The following RAB3C variants were observed in gnomAD, a reference collection of about 807,000 sequenced individuals.
RAB3C encodes RAB3C, member RAS oncogene family.
RAB3C carries 17 observed loss-of-function variants against 26.4 expected under a neutral mutation model. The observed-to-expected ratio is 0.64, with a 90% confidence interval of 0.44 to 0.97. RAB3C has a LOEUF of 0.97. RAB3C is among the 50% of genes least tolerant of loss of function. The pLI, the probability that RAB3C is intolerant of heterozygous loss-of-function variation, is 0.00. For synonymous variants in RAB3C, 91 were observed against 95.9 expected (o/e 0.95, Z 0.30); for missense variants, 242 against 281.9 (o/e 0.86, Z 1.01).
At chr5:58,669,671 T>G (rs1368156424) in intron 2 of RAB3C, among the ~76,000 whole-genome samples, 2 of 152,196 alleles carry the variant, frequency 1.3e-5, no homozygotes, top group Non-Finnish European at 2.9e-5. Flanking sequence ...ATTGTCTCTG[T>G]GCTTTGGATT....
intron 3 of RAB3C, among the ~76,000 whole-genome samples, chr5:58,810,785 C>CG (rs1380673984): frequency 2.6e-5 from 4 of 152,110 alleles, no homozygotes; most frequent in African/African-American, 9.7e-5. Context: ...TTAGTAGAGA[C>CG]GGGGTTTCGC....
rs1168785442 is a variant in RAB3C, at chr5:58,610,194, C to CTGTGTGTGTGTGTGTGTGTGTG, written c.25-7441_25-7420dup. Among the ~76,000 whole-genome samples the CTGTGTGTGTGTGTGTGTGTGTG allele has an allele frequency of 5.9e-3, 846 of 143,442 alleles. 5 individuals are homozygous for CTGTGTGTGTGTGTGTGTGTGTG. The highest frequency in any genetic ancestry group is 0.029 in the East Asian group (136 of 4,694). 94.1% of individuals were successfully genotyped at this position (143,442 alleles called of 152,430 possible). ...TCAGAAAAAAATGATTTTTGTTTTT[C>CTGTGTGTGTGTGTGTGTGTGTG]TGTGTGTGTGTGTGTGTGTGTGTGT... On this transcript the variant is annotated intron_variant, in intron 1 of 4. Transcript: ENST00000282878.
chr5:58,803,776 C>A (rs901534768), intron 3 of RAB3C, among the ~76,000 whole-genome samples: 24 of 152,114 alleles, frequency 1.6e-4, no homozygotes, highest in Non-Finnish European at 3.4e-4. Flanking sequence ...ATATGAAATT[C>A]TTGGCCGGGC....
chr5:58,596,496 T>C (rs1746256803), intron 1 of RAB3C, among the ~76,000 whole-genome samples: 1 of 138,250 alleles, frequency 7.2e-6, no homozygotes, highest in South Asian at 2.1e-4. Context: ...TAAATATATA[T>C]ATAAATATAT....
chr5:58,772,400 A>G (rs1742047889), intron 3 of RAB3C, among the ~76,000 whole-genome samples: 1 of 152,178 alleles, frequency 6.6e-6, no homozygotes, highest in Non-Finnish European at 1.5e-5. Context: ...TCTCTCCATT[A>G]GAATAGAAGG....
intron 3 of RAB3C, among the ~76,000 whole-genome samples, chr5:58,778,728 T>C (rs1742204421): frequency 6.6e-6 from 1 of 152,178 alleles, no homozygotes; most frequent in African/African-American, 2.4e-5. Flanking sequence ...AAATTATTTA[T>C]GCCATGGCCT....
intron 3 of RAB3C, among the ~76,000 whole-genome samples, chr5:58,742,475 A>C (rs1397466666): frequency 1.3e-5 from 2 of 152,190 alleles, no homozygotes; most frequent in East Asian, 3.8e-4. Context: ...TTTGATCCTA[A>C]TCATGACGTT....
intron 3 of RAB3C, among the ~76,000 whole-genome samples, chr5:58,782,422 G>A (rs1400724407): frequency 6.6e-6 from 1 of 152,026 alleles, no homozygotes; most frequent in Non-Finnish European, 1.5e-5. Flanking sequence ...CTCACCGCAT[G>A]CTTTAACACC....
intron 2 of RAB3C, among the ~76,000 whole-genome samples, chr5:58,693,353 T>TATATATAC (rs1554048086): frequency 7.0e-6 from 1 of 142,292 alleles, no homozygotes; most frequent in African/African-American, 2.7e-5. Context: ...TATATATATA[T>TATATATAC]ATATATATAA....
chr5:58,618,059 T>C (rs1374353105), intron 2 of RAB3C, among the ~76,000 whole-genome samples, 189 bp downstream of exon 2: 1 of 62,392 alleles, frequency 1.6e-5, no homozygotes, highest in Non-Finnish European at 3.7e-5. Context: ...GAGGGGTGAA[T>C]TATTATTATG....
At chr5:58,702,475 A>G (rs1267237265) in intron 2 of RAB3C, among the ~76,000 whole-genome samples, 1 of 152,134 alleles carries the variant, frequency 6.6e-6, no homozygotes, top group East Asian at 1.9e-4. Context: ...GAAAGACTCC[A>G]TTGATTTCCT....
chr5:58,797,396 T>TATATATATACAC (rs1561133620), intron 3 of RAB3C, among the ~76,000 whole-genome samples: 6 of 116,814 alleles, frequency 5.1e-5, no homozygotes, highest in African/African-American at 2.1e-4. Context: ...TATATATATA[T>TATATATATACAC]ACACAGAGAG....
intron 3 of RAB3C, among the ~76,000 whole-genome samples, chr5:58,748,605 T>C (rs1478300185): frequency 6.6e-6 from 1 of 152,146 alleles, no homozygotes; most frequent in African/African-American, 2.4e-5. Flanking sequence ...TGTGTGTGTG[T>C]GTGTGCATGC....
At chr5:58,781,483 G>C (rs1742269226) in intron 3 of RAB3C, among the ~76,000 whole-genome samples, 1 of 151,384 alleles carries the variant, frequency 6.6e-6, no homozygotes, top group African/African-American at 2.4e-5. Context: ...AACTACAGTA[G>C]CACCATTCTA....
At chr5:58,778,733 T>C (rs1742204562) in intron 3 of RAB3C, among the ~76,000 whole-genome samples, 1 of 152,172 alleles carries the variant, frequency 6.6e-6, no homozygotes, top group Non-Finnish European at 1.5e-5. Flanking sequence ...ATTTATGCCA[T>C]GGCCTCATCT....
At chr5:58,770,363 G>A (rs1271441757) in intron 3 of RAB3C, among the ~76,000 whole-genome samples, 4 of 152,096 alleles carry the variant, frequency 2.6e-5, no homozygotes, top group African/African-American at 9.7e-5. Context: ...AATGCAACGG[G>A]GAAATATGGT....
chr5:58,694,286 G>T (rs1748645385), intron 2 of RAB3C, among the ~76,000 whole-genome samples: 1 of 152,166 alleles, frequency 6.6e-6, no homozygotes, highest in Non-Finnish European at 1.5e-5. Context: ...CGGCTGCATA[G>T]TATTCCATGG....
At chr5:58,583,021 G>C (rs1290578795), upstream of RAB3C, 5 of 1,426,320 alleles carry the variant, frequency 3.5e-6, no homozygotes, top group African/African-American at 7.2e-5. Flanking sequence ...GCTCCCAGGA[G>C]TGCACGGGGC....
intron 4 of RAB3C, among the ~76,000 whole-genome samples, chr5:58,828,615 G>C (rs1437494267): frequency 6.6e-6 from 1 of 152,220 alleles, no homozygotes; most frequent in African/African-American, 2.4e-5. Flanking sequence ...CCTGCCAGCT[G>C]TGCATATTCA....
Sources: allele counts gnomAD v4.1 joint callset (sites outside exome capture counted in the v4.1 genomes callset), GRCh38; gene constraint gnomAD v4.1.1; transcripts MANE v1.5; gene names NCBI Gene and HGNC (gene_info 2026-07-23, HGNC 2026-07-21).